The following DCDC1 variants were observed in gnomAD, a reference collection of about 807,000 sequenced individuals.
The protein encoded by DCDC1 is doublecortin domain-containing protein 1.
DCDC1 carries 200 observed loss-of-function variants against 178.3 expected under a neutral mutation model. That is an observed-to-expected ratio of 1.12 (90% CI 1.00 to 1.26). The LOEUF (loss-of-function observed/expected upper bound fraction) is 1.26, where lower values mean the gene tolerates loss of function less well. DCDC1 is among the 50% of genes most tolerant of loss of function. The probability of loss-of-function intolerance (pLI) is 0.00; values close to 1 mark genes in which losing one functional copy is unlikely to be tolerated. For missense variants in DCDC1, 1,983 were observed against 1,749.2 expected, an observed-to-expected ratio of 1.13 and a Z score of -2.38; for synonymous variants, 690 against 604.8, an observed-to-expected ratio of 1.14 and a Z score of -2.07.
intron 1 of DCDC1, among the ~76,000 whole-genome samples, chr11:31,348,776 G>T (rs1349113512): frequency 6.6e-6 from 1 of 152,190 alleles, no homozygotes; most frequent in Non-Finnish European, 1.5e-5. Flanking sequence ...AATAGAGCTA[G>T]TCCAGAAGGC....
intron 20 of DCDC1, among the ~76,000 whole-genome samples, chr11:31,037,225 T>C (rs1189097778): frequency 6.6e-6 from 1 of 152,128 alleles, no homozygotes; most frequent in East Asian, 1.9e-4. Flanking sequence ...TGTGCACATA[T>C]GGCGCCATAT....
In DCDC1 at chr11:30,920,946, A is replaced by G; in HGVS notation, c.3134-11T>C. ...CTTCTAAAACAAGAGCTGAGCAGAA[A>G]TTCACAAATTGCAAAGACATATTAC... On this transcript the variant is annotated splice_polypyrimidine_tract_variant and intron_variant, in intron 24 of 38. Coordinates refer to ENST00000684477, the MANE Select transcript of DCDC1 (RefSeq NM_001387274.1). 6.2e-7 allele frequency: 1 copy of G among 1,602,958 alleles called. No individual in the cohort carries two copies. Among genetic ancestry groups the G allele is most frequent in the Non-Finnish European group, 8.5e-7 (1 of 1,174,044 alleles).
chr11:30,876,076 G>A (rs1006180517), intron 38 of DCDC1, among the ~76,000 whole-genome samples: 1 of 152,140 alleles, frequency 6.6e-6, no homozygotes, highest in South Asian at 2.1e-4. Context: ...CTTCTACACT[G>A]TTGATTAACA....
At chr11:30,898,604 A>C (rs1194297601) in intron 34 of DCDC1, among the ~76,000 whole-genome samples, 1 of 152,180 alleles carries the variant, frequency 6.6e-6, no homozygotes, top group Admixed American at 6.5e-5. Context: ...GGGTAGTATG[A>C]CAGTTGTAGT....
chr11:31,133,697 T>G (rs554496128), intron 10 of DCDC1, among the ~76,000 whole-genome samples: 28 of 152,186 alleles, frequency 1.8e-4, no homozygotes, highest in Admixed American at 9.2e-4. Flanking sequence ...TTGTGGGTTT[T>G]TTTTTGTTTT....
intron 6 of DCDC1, among the ~76,000 whole-genome samples, chr11:31,299,914 G>A (rs1274652035): frequency 1.3e-5 from 2 of 152,104 alleles, no homozygotes; most frequent in Non-Finnish European, 2.9e-5. Flanking sequence ...CTGGAGTGCA[G>A]TGGCATGATC....
At chr11:31,289,581 G>A (rs1039457791) in intron 7 of DCDC1, among the ~76,000 whole-genome samples, 10 of 151,858 alleles carry the variant, frequency 6.6e-5, no homozygotes, top group South Asian at 2.1e-4. Flanking sequence ...CATTCAATTC[G>A]AAATAGTATA....
chr11:31,306,232 C>T lies in DCDC1; in HGVS notation c.591G>A (p.Leu197=). 6.6e-7 allele frequency: 1 copy of T among 1,512,480 alleles called. No individual in the cohort carries two copies. The highest frequency in any genetic ancestry group is 1.4e-5 in the South Asian group (1 of 69,832). 93.7% of individuals were successfully genotyped at this position (1,512,480 alleles called of 1,614,324 possible). A position where few individuals can be genotyped will look rare whatever the true frequency, so the allele number is the denominator to read the frequency against. Residue 197 remains leucine, a splice_region_variant and synonymous_variant, in exon 5 of 39, where the codon TTG becomes TTA. Coordinates refer to ENST00000684477, the MANE Select transcript of DCDC1 (RefSeq NM_001387274.1). ...CAGAAAACTTTGGAACACTAGTTAC[C>T]AAGGTGATGGTTGGTACAGTAACTC... ...FARVTVPTIT[L]LLEECTEKLN...
rs57410026 is a variant in DCDC1, at chr11:30,921,736, G to A, written c.3133+767C>T. Among the ~76,000 whole-genome samples the A allele has an allele frequency of 0.022, 3,343 of 152,240 alleles. 330 individuals are homozygous for A. In the East Asian group the frequency reaches 0.32, roughly 15 times the overall value. On this transcript the variant is annotated intron_variant, in intron 24 of 38. Coordinates refer to ENST00000684477, the MANE Select transcript of DCDC1 (RefSeq NM_001387274.1). ...CTTTGGGTATCTTAGTTAAACTGGG[G>A]AAACAGTGAGGACACTGCCCATTGT... is the stretch of plus-strand genomic sequence containing the variant.
intron 20 of DCDC1, among the ~76,000 whole-genome samples, chr11:30,984,524 CAGTT>C (rs1392612750): frequency 6.6e-6 from 1 of 152,188 alleles, no homozygotes; most frequent in African/African-American, 2.4e-5. Flanking sequence ...CAGGGTGAGT[CAGTT>C]AGACCAGCCA....
At chr11:31,339,871 T>C (rs1430180928) in intron 1 of DCDC1, among the ~76,000 whole-genome samples, 5 of 152,130 alleles carry the variant, frequency 3.3e-5, no homozygotes, top group Non-Finnish European at 1.5e-5. Context: ...AAATCAAGTG[T>C]CTAGACTGCA....
chr11:31,045,806 T>C (rs746079129), intron 20 of DCDC1, among the ~76,000 whole-genome samples: 4 of 152,196 alleles, frequency 2.6e-5, no homozygotes, highest in African/African-American at 7.2e-5. Context: ...ATATGTCCAA[T>C]TGGGAGATGT....
intron 1 of DCDC1, among the ~76,000 whole-genome samples, chr11:31,365,620 C>T (rs1185124113): frequency 2.0e-5 from 3 of 152,020 alleles, no homozygotes; most frequent in South Asian, 2.1e-4. Context: ...GTCTGGTAGA[C>T]GTTAGTTTAC....
At chr11:31,231,355 T>G (rs991443538) in intron 9 of DCDC1, among the ~76,000 whole-genome samples, 1 of 152,210 alleles carries the variant, frequency 6.6e-6, no homozygotes, top group African/African-American at 2.4e-5. Flanking sequence ...CACAAGTTTA[T>G]GACACTAATA....
At chr11:31,185,722 AG>A (rs1237583203) in intron 9 of DCDC1, among the ~76,000 whole-genome samples, 1 of 152,186 alleles carries the variant, frequency 6.6e-6, no homozygotes, top group Non-Finnish European at 1.5e-5. Flanking sequence ...TTGTTGTCAA[AG>A]GTAAAGGTGC....
At chr11:31,167,478 T>A (rs1248094959) in intron 9 of DCDC1, among the ~76,000 whole-genome samples, 1 of 152,184 alleles carries the variant, frequency 6.6e-6, no homozygotes, top group Non-Finnish European at 1.5e-5. Flanking sequence ...ATTCTCAGAT[T>A]ACACCTTTCT....
At chr11:30,904,037 C>T (rs1944893971) in intron 31 of DCDC1, 1 of 158,952 alleles carries the variant, frequency 6.3e-6, no homozygotes, top group African/African-American at 2.4e-5. Flanking sequence ...TGTTGTAATA[C>T]TTCATACTGA....
chr11:30,960,190 C>T (rs1260391552), intron 20 of DCDC1, among the ~76,000 whole-genome samples: 1 of 152,088 alleles, frequency 6.6e-6, no homozygotes, highest in East Asian at 1.9e-4. Context: ...AATAGAACAA[C>T]TATATGTATA....
At chr11:30,916,737 T>G in intron 26 of DCDC1, 133 bp downstream of exon 26, 1 of 1,095,408 alleles carries the variant, frequency 9.1e-7, no homozygotes, top group Non-Finnish European at 1.2e-6. Flanking sequence ...ATCAAAAACA[T>G]AAGACAAAAA....
Sources: gnomAD v4.1 joint callset for allele counts (sites outside exome capture counted in the v4.1 genomes callset) on GRCh38, gnomAD v4.1.1 for gene constraint, MANE v1.5 for transcripts, NCBI Gene and HGNC (gene_info 2026-07-23, HGNC 2026-07-21) for gene names.